The following SLC5A9 variants were observed in gnomAD, a reference collection of about 807,000 sequenced individuals.
SLC5A9 encodes the protein sodium/glucose cotransporter 4.
In SLC5A9, 59 loss-of-function variants were observed where a neutral mutation model predicts 70.9. The ratio of observed to expected loss-of-function variants is 0.83; its 90% CI spans 0.68 to 1.03. SLC5A9 has a LOEUF of 1.03. Ranked by LOEUF, SLC5A9 falls within the 50% of genes least tolerant of loss-of-function variation. The pLI is 0.00. For synonymous variants in SLC5A9, 340 were observed against 346.5 expected (o/e 0.98, Z 0.21); for missense variants, 832 against 881.1 (o/e 0.94, Z 0.71).
At position 48,239,025 on chromosome 1, in the gene SLC5A9, T is replaced by C. The variant is rs1026879894; in HGVS notation, c.1462-297T>C. On this transcript the variant is annotated intron_variant, in intron 11 of 13. Transcript: ENST00000438567. The surrounding 1 kb of genome is among the most constrained non-coding windows in gnomAD (Gnocchi z 4.2). Reference sequence around the variant, plus strand: ...GATTTAATTTTATGAATTTTTAAATTACTGCCCCCAATAAGAAAACTCTGA... The same window carrying C: ...GATTTAATTTTATGAATTTTTAAATCACTGCCCCCAATAAGAAAACTCTGA... Among the ~76,000 whole-genome samples the C allele has an allele frequency of 2.0e-5, 3 of 152,240 alleles. No homozygotes were observed. Among genetic ancestry groups the C allele is most frequent in the African/African-American group, 7.2e-5 (3 of 41,466 alleles).
rs762226371 is a variant in SLC5A9, at chr1:48,231,985, G to GT, written c.731_732insT (p.Tyr245ValfsTer7). 9.9e-6 allele frequency: 16 copies of GT among 1,614,002 alleles called. No homozygotes were observed. In the African/African-American group the frequency reaches 1.9e-4, roughly 19 times the overall value. On this transcript the variant is annotated frameshift_variant, in exon 7 of 14. Transcript: ENST00000438567. LOFTEE classifies it high-confidence loss of function. ...GGCTGGTACCCAGGCCTGGAGCAGC[G>GT]GTACAGGCAGGCCATCCCTAATGTC...
intron 2 of SLC5A9, among the ~76,000 whole-genome samples, chr1:48,227,167 G>A (rs1269891118): frequency 9.9e-6 from 1 of 101,150 alleles, no homozygotes; most frequent in Non-Finnish European, 2.2e-5. Context: ...GTGTGTCAGA[G>A]TGTGTGTGCG....
At chr1:48,226,246 G>T (rs1644144876) in intron 2 of SLC5A9, among the ~76,000 whole-genome samples, 1 of 151,708 alleles carries the variant, frequency 6.6e-6, no homozygotes, top group African/African-American at 2.4e-5. Context: ...TGAAGGAAAG[G>T]AGGAGAAAGA....
chr1:48,245,732 C>T lies in SLC5A9; in HGVS notation c.1838-1603C>T, dbSNP rs572920873. ...ATCCCAGCACTTTGGGAGGCCAAGA[C>T]AGGGGGATTGCTTGAACTCAGGAGT... On this transcript the variant is annotated intron_variant, in intron 13 of 13. Coordinates refer to ENST00000438567, the MANE Select transcript of SLC5A9 (RefSeq NM_001011547.3). Among the ~76,000 whole-genome samples the T allele has an allele frequency of 9.8e-5, 15 of 152,300 alleles. No individual in the cohort carries two copies. The East Asian group carries it at 1.2e-3, about 12-fold the overall frequency.
At chr1:48,238,550 T>G (rs932500971) in intron 11 of SLC5A9, 2 of 152,226 alleles carry the variant, frequency 1.3e-5, no homozygotes, top group South Asian at 2.1e-4. Flanking sequence ...CTGAGGGATA[T>G]CATGGACACC....
chr1:48,229,917 A>T (rs1051419495), intron 4 of SLC5A9, among the ~76,000 whole-genome samples: 1 of 152,010 alleles, frequency 6.6e-6, no homozygotes, highest in Non-Finnish European at 1.5e-5. Flanking sequence ...GGCTCCTTCC[A>T]CTCTGTTATG....
chr1:48,230,806 A>G (rs1644237886), intron 5 of SLC5A9, 101 bp downstream of exon 5: 5 of 850,820 alleles, frequency 5.9e-6, no homozygotes, highest in Admixed American at 2.1e-5. Context: ...AGAGTGACAG[A>G]AAGCTGATGC....
Position 48,237,665 on chromosome 1 carries a change from GCTCT to G in SLC5A9, c.1293-9_1293-6del. The G allele has an allele frequency of 1.9e-6, 3 of 1,613,058 alleles. No individual in the cohort carries two copies. The highest frequency in any genetic ancestry group is 2.5e-6 in the Non-Finnish European group (3 of 1,179,472). On this transcript the variant is annotated splice_polypyrimidine_tract_variant and intron_variant, in intron 10 of 13. Transcript: ENST00000438567. ...ACCCGAGTGTGCCTCAGTGCCCTGT[GCTCT>G]CTCTGGCAGAGTGTTTGTGGTGTTC...
chr1:48,247,389 G>C lies in SLC5A9; in HGVS notation c.1892G>C (p.Gly631Ala). 2 of 1,614,074 alleles carry C rather than the reference G, an allele frequency of 1.2e-6. No homozygotes were observed. The highest frequency in any genetic ancestry group is 1.7e-6 in the Non-Finnish European group (2 of 1,180,022). Residue 631 changes from glycine to alanine, a missense_variant, in exon 14 of 14, where the codon GGA becomes GCA. Coordinates refer to ENST00000438567, the MANE Select transcript of SLC5A9 (RefSeq NM_001011547.3). ...LLWSWFCGLSGTPEQALSPAE... is the reference protein window; with the variant it reads ...LLWSWFCGLSATPEQALSPAE... ...TGGAGCTGGTTCTGTGGGCTCTCTG[G>C]AACACCGGAGCAGGCCCTGAGCCCA...
At position 48,247,488 on chromosome 1, in the gene SLC5A9, T is replaced by C; in HGVS notation, c.1991T>C (p.Ile664Thr). 6.2e-7 allele frequency: 1 copy of C among 1,614,198 alleles called. No individual in the cohort carries two copies. Among genetic ancestry groups the C allele is most frequent in the Non-Finnish European group, 8.5e-7 (1 of 1,180,042 alleles). ...EEPLWRHVCNINAVLLLAINI... is the reference protein window; with the variant it reads ...EEPLWRHVCNTNAVLLLAINI... ...CCACTCTGGAGACATGTCTGCAACA[T>C]CAATGCTGTCCTTTTGCTGGCCATC... The change falls in exon 14 of 14, where the codon ATC becomes ACC. Residue 664 changes from isoleucine (I) to threonine (T), a missense_variant. Transcript: ENST00000438567.
Position 48,242,547 on chromosome 1 carries a change from C to T in SLC5A9, c.1768C>T (p.Pro590Ser). Residue 590 changes from proline (P) to serine (S), a missense_variant, in exon 13 of 14, where the codon CCA becomes TCA. Transcript: ENST00000438567. ...HESTPEISER[P>S]AGECPAGGGA... Reference sequence around the variant, plus strand: ...GAGCACACCGGAGATATCCGAGAGGCCAGCCGGGGAGTGCCCTGCAGGAGG... The same window carrying T: ...GAGCACACCGGAGATATCCGAGAGGTCAGCCGGGGAGTGCCCTGCAGGAGG... 6.2e-7 allele frequency: 1 copy of T among 1,613,722 alleles called. No homozygotes were observed. Among genetic ancestry groups the T allele is most frequent in the Non-Finnish European group, 8.5e-7 (1 of 1,179,750 alleles).
chr1:48,243,196 T>C (rs1488524572), intron 13 of SLC5A9, among the ~76,000 whole-genome samples: 1 of 152,078 alleles, frequency 6.6e-6, no homozygotes, highest in Non-Finnish European at 1.5e-5. Context: ...TATTTATTTA[T>C]CTCCCCCTGG....
chr1:48,244,864 A>G (rs28559882), intron 13 of SLC5A9, among the ~76,000 whole-genome samples: 3,420 of 25,972 alleles, frequency 0.13, 665 homozygotes, highest in African/African-American at 0.36. Context: ...GTGTGTGTGT[A>G]TGTATGTGTA....
At chr1:48,244,878 G>GTGTATATATATATA (rs1391896495) in intron 13 of SLC5A9, among the ~76,000 whole-genome samples, 5 of 29,402 alleles carry the variant, frequency 1.7e-4, no homozygotes, top group African/African-American at 4.2e-4. Context: ...ATGTGTATGT[G>GTGTATATATATATA]TATATATATA....
intron 5 of SLC5A9, 143 bp downstream of exon 5, chr1:48,230,848 CAA>C (rs1208453653): frequency 2.0e-5 from 13 of 641,748 alleles, no homozygotes; most frequent in South Asian, 1.9e-4. Flanking sequence ...GAGGCAGAGA[CAA>C]AGAGAGGCTG....
At chr1:48,244,862 GTA>G (rs1244178813) in intron 13 of SLC5A9, among the ~76,000 whole-genome samples, 3 of 14,442 alleles carry the variant, frequency 2.1e-4, no homozygotes, top group Admixed American at 1.5e-3. Context: ...CTGTGTGTGT[GTA>G]TGTATGTGTA....
chr1:48,239,243 T>G lies in SLC5A9; in HGVS notation c.1462-79T>G. On this transcript the variant is annotated intron_variant, in intron 11 of 13. Transcript: ENST00000438567. The surrounding 1 kb of genome is among the most constrained non-coding windows in gnomAD (Gnocchi z 4.2). ...TGGCAATAAACCAGTGGGAGAGAGA[T>G]TTGGGGAGAGAGTAGTTTTACCTTC... The G allele has an allele frequency of 9.8e-7, 1 of 1,023,696 alleles. No homozygotes were observed. Among genetic ancestry groups the G allele is most frequent in the Non-Finnish European group, 1.5e-6 (1 of 682,860 alleles). The allele number at this position is 1,023,696 out of a possible 1,614,324, so 63.4% of individuals were successfully genotyped here.
intron 13 of SLC5A9, among the ~76,000 whole-genome samples, chr1:48,245,153 C>G (rs529298898): frequency 6.7e-6 from 1 of 150,252 alleles, no homozygotes; most frequent in East Asian, 2.0e-4. Context: ...GTAAAACTTA[C>G]GGTATTGAAG....
intron 1 of SLC5A9, 87 bp from the exon 2 acceptor site, chr1:48,224,637 C>T: frequency 7.2e-7 from 1 of 1,381,334 alleles, no homozygotes; most frequent in Non-Finnish European, 1.0e-6. Context: ...AGTGCCTGCA[C>T]CGAGGGGAAG....
Sources: allele counts gnomAD v4.1 joint callset (sites outside exome capture counted in the v4.1 genomes callset), GRCh38; gene constraint gnomAD v4.1.1; non-coding constraint Gnocchi (gnomAD v3.1); transcripts MANE v1.5; gene names NCBI Gene and HGNC (gene_info 2026-07-23, HGNC 2026-07-21).